The following CFAP221 variants were observed in gnomAD, a reference collection of about 807,000 sequenced individuals.
The protein encoded by CFAP221 is cilia and flagella associated protein 221.
A neutral mutation model predicts 113.1 loss-of-function variants in CFAP221; 97 were observed. That is an observed-to-expected ratio of 0.86 (90% CI 0.73 to 1.02). The LOEUF (loss-of-function observed/expected upper bound fraction) is 1.02. CFAP221 is among the 50% of genes least tolerant of loss of function. CFAP221 has a pLI of 0.00. For missense variants in CFAP221, 1,025 were observed against 1,013.4 expected, an observed-to-expected ratio of 1.01 and a Z score of -0.16; for synonymous variants, 331 against 354.4, an observed-to-expected ratio of 0.93 and a Z score of 0.74.
chr2:119,569,542 C>G (rs1258084249), intron 6 of CFAP221, among the ~76,000 whole-genome samples: 1 of 151,924 alleles, frequency 6.6e-6, no homozygotes, highest in African/African-American at 2.4e-5. Flanking sequence ...GTCTGACATT[C>G]ATTTATGGAA....
At chr2:119,593,993 C>T (rs1049722473) in intron 7 of CFAP221, among the ~76,000 whole-genome samples, 6 of 152,218 alleles carry the variant, frequency 3.9e-5, no homozygotes, top group Non-Finnish European at 5.9e-5. Flanking sequence ...GGCCCCACCT[C>T]CAACAGTGGG....
At position 119,559,926 on chromosome 2, in the gene CFAP221, A is replaced by G. The variant is rs771450183; in HGVS notation, c.328-2A>G. 4 of 1,535,274 alleles carry G rather than the reference A, an allele frequency of 2.6e-6. No individual in the cohort carries two copies. Among genetic ancestry groups the G allele is most frequent in the Non-Finnish European group, 3.5e-6 (4 of 1,146,322 alleles). ...CCCAACAAGATGCCACCTGTCTTCC[A>G]GGAACACCACCTGGTCCCTGGCTTG... On this transcript the variant is annotated splice_acceptor_variant, in intron 4 of 23. Transcript: ENST00000413369. LOFTEE classifies it high-confidence loss of function.
intron 8 of CFAP221, chr2:119,602,871 G>T (rs1280673199): frequency 1.3e-6 from 1 of 767,110 alleles, no homozygotes; most frequent in Admixed American, 6.2e-5. Context: ...TTCCATGGCT[G>T]TGCTTTTACA....
At chr2:119,549,322 TATG>T in intron 3 of CFAP221, 137 bp downstream of exon 3, 1 of 667,628 alleles carries the variant, frequency 1.5e-6, no homozygotes, top group Non-Finnish European at 2.4e-6. Context: ...AAGGTAGTTC[TATG>T]ATGAGAAACT....
At chr2:119,559,560 A>G in intron 3 of CFAP221, 129 bp from the exon 4 acceptor site, 2 of 736,504 alleles carry the variant, frequency 2.7e-6, no homozygotes, top group Non-Finnish European at 2.2e-6. Context: ...ATGTATTTCA[A>G]ATATTTTGAA....
chr2:119,587,078 GA>G, intron 6 of CFAP221, 40 bp from the exon 7 acceptor site: 1 of 1,395,698 alleles, frequency 7.2e-7, no homozygotes. Flanking sequence ...CAGTTATAAA[GA>G]AAAATAATAT....
chr2:119,605,140 A>T (rs920818332), intron 10 of CFAP221, 41 bp from the exon 11 acceptor site: 4 of 1,549,424 alleles, frequency 2.6e-6, no homozygotes, highest in African/African-American at 2.7e-5. Context: ...CATGATTTTA[A>T]TCTGATTACT....
At chr2:119,562,748 A>T (rs918904257) in intron 6 of CFAP221, among the ~76,000 whole-genome samples, 1 of 152,190 alleles carries the variant, frequency 6.6e-6, no homozygotes, top group South Asian at 2.1e-4. Context: ...CTGTCCCTAG[A>T]TGGATATTGA....
At position 119,572,414 on chromosome 2, in the gene CFAP221, A is replaced by G. The variant is rs1210799695; in HGVS notation, c.527+10300A>G. 5.4e-6 allele frequency: 3 copies of G among 554,986 alleles called. No individual in the cohort carries two copies. In the East Asian group the frequency reaches 8.4e-5, roughly 15 times the overall value. 34.4% of individuals were successfully genotyped at this position (554,986 alleles called of 1,614,324 possible). A position where few individuals can be genotyped will look rare whatever the true frequency, so the allele number is the denominator to read the frequency against. ...CAATATCTTAAAGAGTATTATAGAT[A>G]AAATACAATCTCAATCTTCTTATAA... On this transcript the variant is annotated intron_variant, in intron 6 of 23. Coordinates refer to ENST00000413369, the MANE Select transcript of CFAP221 (RefSeq NM_001271049.2).
intron 7 of CFAP221, chr2:119,590,381 G>A (rs977605595): frequency 6.6e-6 from 1 of 152,248 alleles, no homozygotes; most frequent in East Asian, 1.9e-4. Context: ...ATTACCTGGG[G>A]GCCACCAATC....
intron 6 of CFAP221, among the ~76,000 whole-genome samples, chr2:119,583,532 A>G (rs1682993648): frequency 6.6e-6 from 1 of 152,108 alleles, no homozygotes; most frequent in Non-Finnish European, 1.5e-5. Context: ...ACAACCCATA[A>G]AAGACTTTAG....
In CFAP221 at chr2:119,656,454, A is replaced by C. The variant is rs772361360; in HGVS notation, c.2507A>C (p.Tyr836Ser). 5 of 1,613,370 alleles carry C rather than the reference A, an allele frequency of 3.1e-6. No homozygotes were observed. In the South Asian group the frequency reaches 5.5e-5, roughly 18 times the overall value. The change falls in exon 24 of 24, where the codon TAC becomes TCC. Residue 836 changes from tyrosine (Y) to serine (S), a missense_variant. By Grantham distance (144) the Tyr-to-Ser change is moderately radical. Coordinates refer to ENST00000413369, the MANE Select transcript of CFAP221 (RefSeq NM_001271049.2). ...CTGCGGGGCAAAGCACTCAACACAT[A>C]CCTGATTCTAGAATGAAAGTCACCA... Reference protein sequence around the residue: ...RNLRGKALNTYLILE With the variant: ...RNLRGKALNTSLILE
At chr2:119,583,739 G>C (rs536257850) in intron 6 of CFAP221, among the ~76,000 whole-genome samples, 382 of 152,308 alleles carry the variant, frequency 2.5e-3, no homozygotes, top group Non-Finnish European at 2.9e-3. Context: ...TGGGGCCTTT[G>C]GGAGGTGATG....
chr2:119,656,050 C>T, intron 23 of CFAP221: 1 of 326,086 alleles, frequency 3.1e-6, no homozygotes. Flanking sequence ...AATAAGATCT[C>T]ATTTCACCTT....
At chr2:119,588,561 AC>A (rs1683375468) in intron 7 of CFAP221, among the ~76,000 whole-genome samples, 1 of 152,178 alleles carries the variant, frequency 6.6e-6, no homozygotes, top group South Asian at 2.1e-4. Context: ...AGCAGAATTG[AC>A]TGACAACTAT....
intron 5 of CFAP221, among the ~76,000 whole-genome samples, chr2:119,560,341 A>T (rs1260097165): frequency 1.3e-5 from 2 of 152,300 alleles, no homozygotes; most frequent in East Asian, 1.9e-4. Flanking sequence ...AGCCTTTTCA[A>T]ATAACTTCAA....
At chr2:119,617,132 A>G (rs1685581698) in intron 14 of CFAP221, among the ~76,000 whole-genome samples, 1 of 152,228 alleles carries the variant, frequency 6.6e-6, no homozygotes, top group South Asian at 2.1e-4. Context: ...ATGAATATAT[A>G]TAAGGGACTT....
chr2:119,604,929 T>C lies in CFAP221; in HGVS notation c.966T>C (p.Ala322=), dbSNP rs780063197. The part of the protein sequence containing the change: ...RFPVDLSNPF[A]VATVLNQEPG... ...CAGTAGATTTATCGAATCCATTTGC[T>C]GTGGCAACTGTTTTAAACCAAGAAC... is the stretch of plus-strand genomic sequence containing the variant. Residue 322 remains alanine, a synonymous_variant, in exon 10 of 24, where the codon GCT becomes GCC. Coordinates refer to ENST00000413369, the MANE Select transcript of CFAP221 (RefSeq NM_001271049.2). The C allele has an allele frequency of 3.1e-6, 5 of 1,614,050 alleles. No individual in the cohort carries two copies. Among genetic ancestry groups the C allele is most frequent in the Non-Finnish European group, 4.2e-6 (5 of 1,180,034 alleles).
At chr2:119,614,645 G>A (rs949314494) in intron 13 of CFAP221, among the ~76,000 whole-genome samples, 4 of 152,154 alleles carry the variant, frequency 2.6e-5, no homozygotes, top group Non-Finnish European at 5.9e-5. Flanking sequence ...CTGCCCTCAC[G>A]ATTCAATTAT....
Sources: allele counts gnomAD v4.1 joint callset (sites outside exome capture counted in the v4.1 genomes callset), GRCh38; gene constraint gnomAD v4.1.1; transcripts MANE v1.5; gene names NCBI Gene and HGNC (gene_info 2026-07-23, HGNC 2026-07-21).